The following SCN2A variants were observed in gnomAD, a reference collection of about 807,000 sequenced individuals.
SCN2A encodes the protein sodium voltage-gated channel alpha subunit 2.
Under a neutral mutation model 188.7 loss-of-function variants are expected in SCN2A, and 20 were observed. The ratio of observed to expected loss-of-function variants is 0.11; its 90% CI spans 0.07 to 0.15. The LOEUF is 0.15. Ranked by LOEUF, SCN2A falls within the 10% of genes least tolerant of loss-of-function variation. SCN2A has a pLI of 1.00. For missense variants in SCN2A, 1,278 were observed against 2,445.0 expected, an observed-to-expected ratio of 0.52 and a Z score of 10.07; for synonymous variants, 804 against 833.1, an observed-to-expected ratio of 0.97 and a Z score of 0.60.
At chr2:165,325,516 A>G (rs1019956693) in intron 12 of SCN2A, among the ~76,000 whole-genome samples, 2 of 152,190 alleles carry the variant, frequency 1.3e-5, no homozygotes, top group Non-Finnish European at 2.9e-5. Context: ...CATAAATTCA[A>G]TCGAGTAATG....
chr2:165,323,190 C>A lies in SCN2A; in HGVS notation c.1706C>A (p.Pro569Gln). ...AGCATCCGTGGCTCCCTTTTCTCTC[C>A]AAGACGCAACAGTAGGGCGAGCCTT... Reference protein sequence around the residue: ...LLSIRGSLFSPRRNSRASLFS... With the variant: ...LLSIRGSLFSQRRNSRASLFS... The change falls in exon 12 of 27, where the codon CCA (proline) becomes CAA (glutamine). Residue 569 changes from proline to glutamine, a missense_variant. By Grantham distance (76) the Pro-to-Gln change is moderately conservative. Coordinates refer to ENST00000375437, the MANE Select transcript of SCN2A (RefSeq NM_001040142.2). 1.2e-6 allele frequency: 2 copies of A among 1,614,140 alleles called. No individual in the cohort carries two copies. Among genetic ancestry groups the A allele is most frequent in the African/African-American group, 1.3e-5 (1 of 75,024 alleles).
chr2:165,289,772 T>C (rs955562918), intron 1 of SCN2A, among the ~76,000 whole-genome samples: 10 of 152,196 alleles, frequency 6.6e-5, no homozygotes, highest in South Asian at 2.1e-4. Context: ...CGATGTTTTA[T>C]ATGTTTTGGT....
At chr2:165,323,103 C>A in intron 11 of SCN2A, 53 bp from the exon 12 acceptor site, 1 of 1,513,868 alleles carries the variant, frequency 6.6e-7, no homozygotes, top group Non-Finnish European at 9.1e-7. Flanking sequence ...TTTCAGAATG[C>A]CAGCTCTTAA....
chr2:165,329,986 AAATT>A (rs1698591312), intron 13 of SCN2A, among the ~76,000 whole-genome samples: 1 of 151,888 alleles, frequency 6.6e-6, no homozygotes, highest in Admixed American at 6.6e-5. Flanking sequence ...AATAAGCAAT[AAATT>A]AATTTACTTA....
intron 1 of SCN2A, among the ~76,000 whole-genome samples, chr2:165,287,402 A>C (rs1273411878): frequency 6.6e-6 from 1 of 152,100 alleles, no homozygotes; most frequent in Non-Finnish European, 1.5e-5. Context: ...TGTTCCTGAG[A>C]AGGTCATATG....
In SCN2A at chr2:165,353,160, C is replaced by T. The variant is rs7574622; in HGVS notation, c.2920-1032C>T. Reference sequence around the variant, plus strand: ...CCCAATTTGCAGACTGATTACTGTCCTTATTCATGGCAATACTTCAACTCC... The same window carrying T: ...CCCAATTTGCAGACTGATTACTGTCTTTATTCATGGCAATACTTCAACTCC... On this transcript the variant is annotated intron_variant, in intron 16 of 26. Transcript: ENST00000375437. 7.0e-3 allele frequency among the ~76,000 whole-genome samples: 1,063 copies of T among 151,898 alleles called. 20 individuals are homozygous for T. The highest frequency in any genetic ancestry group is 0.025 in the African/African-American group (1,021 of 41,440).
intron 16 of SCN2A, among the ~76,000 whole-genome samples, chr2:165,351,178 T>C (rs185275681): frequency 6.0e-4 from 91 of 152,336 alleles, no homozygotes; most frequent in African/African-American, 2.0e-3. Flanking sequence ...TATGTGCTCC[T>C]CTATGTCAAG....
intron 1 of SCN2A, chr2:165,274,008 C>T (rs1236034490): frequency 6.6e-6 from 1 of 152,114 alleles, no homozygotes; most frequent in African/African-American, 2.4e-5. Flanking sequence ...CATATGTGGG[C>T]TCCTGTATCT....
At chr2:165,385,076 A>G (rs1284311272) in intron 25 of SCN2A, among the ~76,000 whole-genome samples, 3 of 152,176 alleles carry the variant, frequency 2.0e-5, no homozygotes, top group African/African-American at 7.2e-5. Context: ...CAGCAGGCCA[A>G]ATACGCATTC....
chr2:165,364,150 A>G (rs1480385745), intron 17 of SCN2A, among the ~76,000 whole-genome samples: 2 of 152,122 alleles, frequency 1.3e-5, no homozygotes, highest in Non-Finnish European at 2.9e-5. Flanking sequence ...TTTATAAAGT[A>G]TCTCTTATCA....
intron 18 of SCN2A, among the ~76,000 whole-genome samples, 199 bp downstream of exon 18, chr2:165,365,462 G>GA (rs1039352222): frequency 5.8e-5 from 8 of 138,134 alleles, no homozygotes; most frequent in African/African-American, 1.9e-4. Flanking sequence ...TTTGCTGTTT[G>GA]AAAAAAAATG....
chr2:165,276,766 C>G (rs889044654), intron 1 of SCN2A, among the ~76,000 whole-genome samples: 8 of 152,126 alleles, frequency 5.3e-5, no homozygotes, highest in African/African-American at 1.9e-4. Context: ...CCCAGTAAGC[C>G]CACAGTAAAA....
At chr2:165,257,256 G>A (rs979996356) in intron 1 of SCN2A, among the ~76,000 whole-genome samples, 5 of 152,134 alleles carry the variant, frequency 3.3e-5, no homozygotes, top group African/African-American at 1.2e-4. Flanking sequence ...TGCAAAACTT[G>A]CTCTTCCTTC....
intron 14 of SCN2A, among the ~76,000 whole-genome samples, chr2:165,332,176 G>T (rs549638295): frequency 6.6e-6 from 1 of 151,826 alleles, no homozygotes; most frequent in South Asian, 2.1e-4. Context: ...ACAAAATGAA[G>T]AAAATCACGC....
chr2:165,252,668 T>G (rs1421467869), intron 1 of SCN2A, among the ~76,000 whole-genome samples: 4 of 152,064 alleles, frequency 2.6e-5, no homozygotes, highest in African/African-American at 9.7e-5. Flanking sequence ...GATTTTATCT[T>G]CAGGGATGAT....
In SCN2A at chr2:165,354,633, G is replaced by C; in HGVS notation, c.3361G>C (p.Glu1121Gln). The change falls in exon 17 of 27, where the codon GAA becomes CAA. Residue 1121 changes from glutamate to glutamine, a missense_variant. Around this residue, in one of 17 missense-constraint regions of SCN2A, gnomAD observed 228 missense variants for 297.3 expected, o/e 0.77. Coordinates refer to ENST00000375437, the MANE Select transcript of SCN2A (RefSeq NM_001040142.2). ...TGACTTTGAAAATTTAAATACTGAA[G>C]AATTCAGCAGCGAGTCAGATATGGA... ...ESDFENLNTE[E>Q]FSSESDMEES... is the part of the protein sequence containing the mutation. The C allele has an allele frequency of 6.2e-7, 1 of 1,613,796 alleles. No individual in the cohort carries two copies.
chr2:165,240,694 T>TGTGTGTGA (rs755090637), intron 1 of SCN2A, among the ~76,000 whole-genome samples: 2 of 150,622 alleles, frequency 1.3e-5, no homozygotes, highest in African/African-American at 2.4e-5. Context: ...TGTGTGTGTG[T>TGTGTGTGA]GATGGTGGAG....
At position 165,370,276 on chromosome 2, in the gene SCN2A, T is replaced by C; in HGVS notation, c.3826T>C (p.Trp1276Arg). 6.2e-7 allele frequency: 1 copy of C among 1,614,182 alleles called. No homozygotes were observed. Residue 1276 changes from tryptophan (W) to arginine (R), a missense_variant, in exon 20 of 27, where the codon TGG (tryptophan) becomes CGG (arginine). Coordinates refer to ENST00000375437, the MANE Select transcript of SCN2A (RefSeq NM_001040142.2). ...AGTGTATTTTACCAATGCCTGGTGC[T>C]GGCTAGACTTCCTGATTGTTGATGT... ...FQVYFTNAWC[W>R]LDFLIVDVSL... is the part of the protein sequence containing the mutation.
intron 11 of SCN2A, among the ~76,000 whole-genome samples, chr2:165,316,132 C>A (rs1433668404): frequency 6.6e-6 from 1 of 152,104 alleles, no homozygotes; most frequent in Admixed American, 6.6e-5. Context: ...CAGAAGTGGA[C>A]CAGAGACTCT....
Sources: gnomAD v4.1 joint callset for allele counts (sites outside exome capture counted in the v4.1 genomes callset) on GRCh38, gnomAD v4.1.1 for gene constraint, gnomAD v4.1.1 regional missense constraint, MANE v1.5 for transcripts, NCBI Gene and HGNC (gene_info 2026-07-23, HGNC 2026-07-21) for gene names.